TMEM117: variants seen among roughly 807,000 people sequenced by gnomAD.
TMEM117 encodes transmembrane protein 117.
A neutral mutation model predicts 52.4 loss-of-function variants in TMEM117; 27 were observed. That is an observed-to-expected ratio of 0.51 (90% confidence interval 0.38 to 0.71). The LOEUF (loss-of-function observed/expected upper bound fraction) is 0.71, where lower values mean the gene tolerates loss of function less well. Among genes scored for constraint, TMEM117 ranks in the 30% least tolerant of loss-of-function variants. TMEM117 has a pLI of 0.00. For synonymous variants in TMEM117, 215 were observed against 206.3 expected (o/e 1.04, Z -0.36); for missense variants, 556 against 630.5 (o/e 0.88, Z 1.26).
intron 3 of TMEM117, among the ~76,000 whole-genome samples, chr12:44,131,320 T>G (rs1203267695): frequency 1.3e-5 from 2 of 152,138 alleles, no homozygotes; most frequent in Non-Finnish European, 2.9e-5. Context: ...GTTACTGATG[T>G]ATAGTTTAGT....
chr12:44,397,000 C>T, the TMEM117 span, among the ~76,000 whole-genome samples: 1 of 152,104 alleles, frequency 6.6e-6, no homozygotes, highest in African/African-American at 2.4e-5. Flanking sequence ...TTATTTCTTA[C>T]ATTCAATATG....
chr12:44,365,161 T>C (rs905410455), intron 6 of TMEM117, among the ~76,000 whole-genome samples: 7 of 152,042 alleles, frequency 4.6e-5, no homozygotes, highest in African/African-American at 1.4e-4. Context: ...TACAGTTAAA[T>C]GCATATCTCA....
chr12:44,321,598 C>T (rs75763871), intron 6 of TMEM117, among the ~76,000 whole-genome samples: 6,761 of 152,170 alleles, frequency 0.044, 155 homozygotes, highest in African/African-American at 0.065. Flanking sequence ...GTGACTCCCA[C>T]CCAGAGGTGC....
chr12:43,842,166 A>G (rs1026352069), intron 1 of TMEM117, among the ~76,000 whole-genome samples: 1 of 151,974 alleles, frequency 6.6e-6, no homozygotes, highest in African/African-American at 2.4e-5. Context: ...TATCATGAAA[A>G]CACATAAAAG....
chr12:44,352,556 T>G (rs559426833), intron 6 of TMEM117, among the ~76,000 whole-genome samples: 1 of 152,256 alleles, frequency 6.6e-6, no homozygotes, highest in South Asian at 2.1e-4. Flanking sequence ...TTTGGTTTTT[T>G]GTCCCTGCGA....
chr12:43,804,314 T>A, the TMEM117 span: 80 of 591,100 alleles, frequency 1.4e-4, 1 homozygote, highest in African/African-American at 1.4e-3. Flanking sequence ...AGTCACATAA[T>A]TCAGAATGAA....
chr12:44,257,044 A>G (rs1592645186), intron 5 of TMEM117, among the ~76,000 whole-genome samples: 1 of 149,230 alleles, frequency 6.7e-6, no homozygotes, highest in East Asian at 2.0e-4. Flanking sequence ...GGAAGAAAGG[A>G]TTTATGAAAT....
intron 6 of TMEM117, among the ~76,000 whole-genome samples, chr12:44,348,530 A>G (rs1292795959): frequency 6.6e-6 from 1 of 152,012 alleles, no homozygotes; most frequent in Non-Finnish European, 1.5e-5. Context: ...CTTAGTGCCT[A>G]GCAGGTGATG....
intron 5 of TMEM117, among the ~76,000 whole-genome samples, chr12:44,221,908 A>G (rs989732569): frequency 6.6e-6 from 1 of 152,130 alleles, no homozygotes; most frequent in Non-Finnish European, 1.5e-5. Flanking sequence ...CATGTTGGCC[A>G]GGCTGGTCTC....
chr12:44,181,929 G>A (rs1191098511), intron 4 of TMEM117, among the ~76,000 whole-genome samples: 2 of 151,654 alleles, frequency 1.3e-5, no homozygotes, highest in Admixed American at 1.3e-4. Flanking sequence ...CCTTGAATCT[G>A]TAAATTACCT....
At chr12:44,151,506 GC>G (rs1948724809) in intron 4 of TMEM117, among the ~76,000 whole-genome samples, 1 of 69,768 alleles carries the variant, frequency 1.4e-5, no homozygotes, top group Non-Finnish European at 2.8e-5. Flanking sequence ...CTATCCCTCC[GC>G]CCTCCCCCCA....
At chr12:44,093,057 C>T (rs1592509092) in intron 3 of TMEM117, among the ~76,000 whole-genome samples, 1 of 151,948 alleles carries the variant, frequency 6.6e-6, no homozygotes, top group South Asian at 2.1e-4. Context: ...GAGGAAGGAG[C>T]AAGTGTTTCA....
chr12:43,977,591 A>G (rs914376065), intron 3 of TMEM117, among the ~76,000 whole-genome samples: 1 of 152,168 alleles, frequency 6.6e-6, no homozygotes, highest in African/African-American at 2.4e-5. Context: ...TAAAAAATTA[A>G]AGGTAAATAA....
intron 2 of TMEM117, among the ~76,000 whole-genome samples, chr12:43,851,995 G>T (rs1331642467): frequency 6.6e-6 from 1 of 152,214 alleles, no homozygotes; most frequent in Non-Finnish European, 1.5e-5. Flanking sequence ...GTTCATCAAA[G>T]TGTAGAGTAT....
rs114631454 is a variant in TMEM117, at chr12:43,918,362, G to T, written c.278-25848G>T. ...TCATTTTTAGAACATCTCTTGCAGGGGTTTTGAATACTTTTTTTGACTTGT... is the reference window on the plus strand; with the variant it reads ...TCATTTTTAGAACATCTCTTGCAGGTGTTTTGAATACTTTTTTTGACTTGT... On this transcript the variant is annotated intron_variant, in intron 2 of 7. Transcript: ENST00000266534. Among the ~76,000 whole-genome samples the T allele has an allele frequency of 5.7e-3, 862 of 152,142 alleles. 10 individuals are homozygous for T. Among genetic ancestry groups the T allele is most frequent in the African/African-American group, 0.02 (834 of 41,506 alleles).
rs1947826736 is a variant in TMEM117 at position 44,099,486 on chromosome 12, A to T, written c.411-44039A>T. The stretch of plus-strand genomic sequence containing the variant: ...GGAAGTTTAATTATTTACATTTTTT[A>T]AAAATAGTGATATAGTAGGGTGTCT... On this transcript the variant is annotated intron_variant, in intron 3 of 7. Coordinates refer to ENST00000266534, the MANE Select transcript of TMEM117 (RefSeq NM_032256.3). 3.3e-5 allele frequency among the ~76,000 whole-genome samples: 5 copies of T among 152,104 alleles called. No individual in the cohort carries two copies. In the South Asian group the frequency reaches 6.2e-4, roughly 19 times the overall value.
At chr12:44,204,319 G>T (rs1011398905) in intron 4 of TMEM117, among the ~76,000 whole-genome samples, 3 of 152,002 alleles carry the variant, frequency 2.0e-5, no homozygotes, top group African/African-American at 7.2e-5. Flanking sequence ...ATTCACAATA[G>T]CCTCAAAAAG....
At chr12:44,130,298 C>G (rs1033392189) in intron 3 of TMEM117, among the ~76,000 whole-genome samples, 1 of 152,168 alleles carries the variant, frequency 6.6e-6, no homozygotes, top group Non-Finnish European at 1.5e-5. Context: ...GTTATCATCA[C>G]TGATGTCAAT....
chr12:43,925,079 G>A (rs1000409747), intron 2 of TMEM117, among the ~76,000 whole-genome samples: 1 of 152,088 alleles, frequency 6.6e-6, no homozygotes, highest in Non-Finnish European at 1.5e-5. Context: ...TCCTCGTGCC[G>A]TAATAGTTGA....
Sources: gnomAD v4.1 joint callset for allele counts (sites outside exome capture counted in the v4.1 genomes callset) on GRCh38, gnomAD v4.1.1 for gene constraint, MANE v1.5 for transcripts, NCBI Gene and HGNC (gene_info 2026-07-23, HGNC 2026-07-21) for gene names.